The following MAP3K14 variants were observed in gnomAD, a reference collection of about 807,000 sequenced individuals.
The protein encoded by MAP3K14 is mitogen-activated protein kinase kinase kinase 14, also known as NF-kappa-beta-inducing kinase.
In MAP3K14, 16 loss-of-function variants were observed where a neutral mutation model predicts 99.2. The ratio of observed to expected loss-of-function variants is 0.16; its 90% CI spans 0.11 to 0.24. MAP3K14 has a LOEUF of 0.24. MAP3K14 is among the 10% of genes least tolerant of loss of function. MAP3K14 has a pLI of 1.00. For missense variants in MAP3K14, 784 were observed against 1,208.7 expected, an observed-to-expected ratio of 0.65 and a Z score of 5.21; for synonymous variants, 462 against 492.4, an observed-to-expected ratio of 0.94 and a Z score of 0.82.
At chr17:45,311,443 G>A (rs1230049112) in intron 1 of MAP3K14, among the ~76,000 whole-genome samples, 2 of 152,312 alleles carry the variant, frequency 1.3e-5, no homozygotes, top group Non-Finnish European at 2.9e-5. Flanking sequence ...AATCGGTCAA[G>A]TTCAACACCA....
rs1330485372 is a variant in MAP3K14, at chr17:45,264,509, T to C, written c.*127A>G. On this transcript the variant is annotated 3_prime_UTR_variant, in exon 16 of 16. Coordinates refer to ENST00000344686, the MANE Select transcript of MAP3K14 (RefSeq NM_003954.5). ...CCCCCACCTTGCTGCTGCGAGGCCC[T>C]GGTCCCACTGCTGAGCCGGGGGCTG... The C allele has an allele frequency of 6.5e-6, 8 of 1,223,806 alleles. No individual in the cohort carries two copies. Among genetic ancestry groups the C allele is most frequent in the Non-Finnish European group, 8.8e-6 (8 of 910,358 alleles). The allele number at this position is 1,223,806 out of a possible 1,614,324, so 75.8% of individuals were successfully genotyped here.
Position 45,286,703 on chromosome 17 carries a change from T to C in MAP3K14, c.880A>G (p.Lys294Glu), listed in dbSNP as rs113278485. Residue 294 changes from lysine to glutamate, a missense_variant, in exon 5 of 16, where the codon AAA (lysine) becomes GAA (glutamate). Lys to Glu is a moderately conservative substitution (Grantham distance 56). Transcript: ENST00000344686. This position sits in a 1 kb window ranked among gnomAD's most constrained non-coding sequence, Gnocchi z 4.1. ...LGKLACVDSQ[K>E]PLPDPHLSKL... Reference sequence around the variant, plus strand: ...CTCAGGTGTGGGTCAGGCAAGGGTTTCTGGCTGTCTACACAGGCCAGTTTG... The same window carrying C: ...CTCAGGTGTGGGTCAGGCAAGGGTTCCTGGCTGTCTACACAGGCCAGTTTG... The C allele has an allele frequency of 6.2e-7, 1 of 1,610,040 alleles. No homozygotes were observed. The highest frequency in any genetic ancestry group is 8.5e-7 in the Non-Finnish European group (1 of 1,178,286).
intron 1 of MAP3K14, among the ~76,000 whole-genome samples, chr17:45,298,202 C>G (rs148916915): frequency 6.6e-6 from 1 of 151,370 alleles, no homozygotes; most frequent in Non-Finnish European, 1.5e-5. Context: ...AGAGTAATGA[C>G]TAAAATAATA....
intron 6 of MAP3K14, among the ~76,000 whole-genome samples, chr17:45,279,745 T>G (rs1165604625): frequency 6.6e-6 from 1 of 152,138 alleles, no homozygotes; most frequent in African/African-American, 2.4e-5. Context: ...TTCTTATCTG[T>G]TTTATTCCAT....
At chr17:45,299,911 G>A (rs985547415) in intron 1 of MAP3K14, among the ~76,000 whole-genome samples, 2 of 152,010 alleles carry the variant, frequency 1.3e-5, no homozygotes, top group South Asian at 2.1e-4. Flanking sequence ...GCAACATAGT[G>A]AAACCCTGTC....
intron 1 of MAP3K14, among the ~76,000 whole-genome samples, chr17:45,293,499 C>T (rs189493081): frequency 2.6e-5 from 4 of 152,344 alleles, no homozygotes; most frequent in African/African-American, 9.6e-5. Flanking sequence ...GAGGCAGCCA[C>T]GCTCAGAGAC....
chr17:45,304,138 G>A (rs924102658), intron 1 of MAP3K14, among the ~76,000 whole-genome samples: 3 of 148,374 alleles, frequency 2.0e-5, no homozygotes, highest in African/African-American at 7.5e-5. Context: ...TCAACCTTCC[G>A]AGTTACAGGC....
At chr17:45,295,381 T>C (rs1258820415) in intron 1 of MAP3K14, among the ~76,000 whole-genome samples, 1 of 152,106 alleles carries the variant, frequency 6.6e-6, no homozygotes, top group East Asian at 1.9e-4. Flanking sequence ...TCAGTGTCCC[T>C]TCATCCACCG....
chr17:45,290,470 C>T lies in MAP3K14; in HGVS notation c.256+20G>A. The stretch of plus-strand genomic sequence containing the variant: ...GGCCCACCCACCTGCCCCGTGCCCA[C>T]AACAACCCTAGGCCCCTACACTCAG... On this transcript the variant is annotated intron_variant, in intron 2 of 15. Coordinates refer to ENST00000344686, the MANE Select transcript of MAP3K14 (RefSeq NM_003954.5). The T allele has an allele frequency of 6.2e-7, 1 of 1,613,258 alleles. No homozygotes were observed. Among genetic ancestry groups the T allele is most frequent in the East Asian group, 2.2e-5 (1 of 44,826 alleles).
At chr17:45,288,116 G>A (rs1474392248) in intron 3 of MAP3K14, among the ~76,000 whole-genome samples, 3 of 152,228 alleles carry the variant, frequency 2.0e-5, no homozygotes, top group Non-Finnish European at 2.9e-5. Context: ...CCATGGAGAA[G>A]GCAGACTCAT....
At chr17:45,303,588 T>C (rs1198431667) in intron 1 of MAP3K14, among the ~76,000 whole-genome samples, 1 of 152,064 alleles carries the variant, frequency 6.6e-6, no homozygotes, top group Admixed American at 6.6e-5. Context: ...ACCAAAATAA[T>C]TGTTCATTGT....
rs761425676 is a variant in MAP3K14 at position 45,267,069 on chromosome 17, C to G, written c.2433+23G>C. ...GAAAACCACACCCCTGGAGCCATGG[C>G]TCCGGGGCCACAACCGACTCACCTT... On this transcript the variant is annotated intron_variant, in intron 13 of 15. Coordinates refer to ENST00000344686, the MANE Select transcript of MAP3K14 (RefSeq NM_003954.5). This position sits in a 1 kb window ranked among gnomAD's most constrained non-coding sequence, Gnocchi z 5.1. 6.5e-7 allele frequency: 1 copy of G among 1,537,418 alleles called. No homozygotes were observed. Among genetic ancestry groups the G allele is most frequent in the Admixed American group, 1.9e-5 (1 of 51,820 alleles).
At position 45,267,898 on chromosome 17, in the gene MAP3K14, T is replaced by C; in HGVS notation, c.1973-139A>G. 1.4e-6 allele frequency: 1 copy of C among 712,402 alleles called. No individual in the cohort carries two copies. The highest frequency in any genetic ancestry group is 2.4e-6 in the Non-Finnish European group (1 of 424,802). 44.1% of individuals were successfully genotyped at this position (712,402 alleles called of 1,614,324 possible). A position where few individuals can be genotyped will look rare whatever the true frequency, so the allele number is the denominator to read the frequency against. On this transcript the variant is annotated intron_variant, in intron 11 of 15. Coordinates refer to ENST00000344686, the MANE Select transcript of MAP3K14 (RefSeq NM_003954.5). This position sits in a 1 kb window ranked among gnomAD's most constrained non-coding sequence, Gnocchi z 5.1. ...CACTGCCCCGGGCCACCATGGGAGGTGGCTCCAGAGGGCAGCATGGTGGTC... is the reference window on the plus strand; with the variant it reads ...CACTGCCCCGGGCCACCATGGGAGGCGGCTCCAGAGGGCAGCATGGTGGTC...
chr17:45,295,606 T>G (rs1044149004), intron 1 of MAP3K14, among the ~76,000 whole-genome samples: 5 of 152,194 alleles, frequency 3.3e-5, no homozygotes, highest in African/African-American at 1.2e-4. Flanking sequence ...CTTAGGGAAG[T>G]GTAGTAGCAC....
At chr17:45,303,732 A>G (rs1451036004) in intron 1 of MAP3K14, among the ~76,000 whole-genome samples, 1 of 151,506 alleles carries the variant, frequency 6.6e-6, no homozygotes, top group Admixed American at 6.6e-5. Flanking sequence ...ATAAACATAT[A>G]GTTTGGGACT....
At chr17:45,280,059 C>A (rs1422311355) in intron 6 of MAP3K14, among the ~76,000 whole-genome samples, 3 of 152,212 alleles carry the variant, frequency 2.0e-5, no homozygotes, top group African/African-American at 7.2e-5. Context: ...CCAGCCCCTG[C>A]ACATTGTCTG....
intron 1 of MAP3K14, among the ~76,000 whole-genome samples, chr17:45,305,129 G>C (rs2044421153): frequency 6.6e-6 from 1 of 151,912 alleles, no homozygotes; most frequent in Non-Finnish European, 1.5e-5. Context: ...ACGGAGTCTT[G>C]CTCTGTCGCC....
chr17:45,303,660 C>T (rs941521260), intron 1 of MAP3K14, among the ~76,000 whole-genome samples: 13 of 152,028 alleles, frequency 8.6e-5, no homozygotes, highest in Non-Finnish European at 1.5e-4. Flanking sequence ...CCCGTCCTCT[C>T]TGCAACATAA....
At chr17:45,291,870 T>C (rs1401701266) in intron 1 of MAP3K14, among the ~76,000 whole-genome samples, 1 of 152,268 alleles carries the variant, frequency 6.6e-6, no homozygotes, top group African/African-American at 2.4e-5. Context: ...TCTTCCTTGC[T>C]ATAACTCTGT....
Sources: allele counts gnomAD v4.1 joint callset (sites outside exome capture counted in the v4.1 genomes callset), GRCh38; gene constraint gnomAD v4.1.1; non-coding constraint Gnocchi (gnomAD v3.1); transcripts MANE v1.5; gene names NCBI Gene and HGNC (gene_info 2026-07-23, HGNC 2026-07-21).